The following SPATA6L variants were observed in gnomAD, a reference collection of about 807,000 sequenced individuals.
SPATA6L encodes spermatogenesis associated 6 like, also known as spermatogenesis associated 6-like protein.
A neutral mutation model predicts 49.2 loss-of-function variants in SPATA6L; 68 were observed. The observed-to-expected ratio is 1.38, with a 90% CI of 1.14 to 1.69. The LOEUF is 1.69. Ranked by LOEUF, SPATA6L falls within the 40% of genes most tolerant of loss-of-function variation. SPATA6L has a pLI of 0.00. For missense variants in SPATA6L, 668 were observed against 464.3 expected (o/e 1.44, Z -4.03); for synonymous variants, 198 against 165.7 (o/e 1.19, Z -1.50).
At chr9:4,609,522 T>C (rs1826142617) in intron 9 of SPATA6L, among the ~76,000 whole-genome samples, 1 of 151,990 alleles carries the variant, frequency 6.6e-6, no homozygotes, top group Non-Finnish European at 1.5e-5. Flanking sequence ...ATCCAGCATA[T>C]AAACAGAACC....
chr9:4,628,138 T>C, intron 5 of SPATA6L: 1 of 207,914 alleles, frequency 4.8e-6, no homozygotes, highest in Non-Finnish European at 9.7e-6. Flanking sequence ...GTGGGGATGG[T>C]TAAAGGGCAC....
chr9:4,666,300 G>C lies in SPATA6L; in HGVS notation c.-50C>G. The C allele has an allele frequency of 1.9e-6, 3 of 1,608,024 alleles. No individual in the cohort carries two copies. The highest frequency in any genetic ancestry group is 1.3e-5 in the African/African-American group (1 of 74,922). On this transcript the variant is annotated 5_prime_UTR_variant, in exon 1 of 12. Coordinates refer to ENST00000682582, the MANE Select transcript of SPATA6L (RefSeq NM_001353486.2). The stretch of plus-strand genomic sequence containing the variant: ...TGGAATGAGAAGATCCTTTTGTGCC[G>C]AGCCTTGGACCAATTTTTCTTAGTT...
intron 3 of SPATA6L, among the ~76,000 whole-genome samples, chr9:4,644,235 T>A: frequency 7.7e-6 from 1 of 130,048 alleles, no homozygotes; most frequent in African/African-American, 2.9e-5. Flanking sequence ...CTGGGCATGG[T>A]GCATGCCTGT....
chr9:4,606,373 A>T lies in SPATA6L; in HGVS notation c.996-933T>A, dbSNP rs545623055. On this transcript the variant is annotated intron_variant, in intron 9 of 11. Coordinates refer to ENST00000682582, the MANE Select transcript of SPATA6L (RefSeq NM_001353486.2). Reference sequence around the variant, plus strand: ...CACAGACAAACAAAAAGACAGCAGTAACCTCTGCAGACTTAAATGTCCCTG... The same window carrying T: ...CACAGACAAACAAAAAGACAGCAGTTACCTCTGCAGACTTAAATGTCCCTG... Among the ~76,000 whole-genome samples the T allele has an allele frequency of 9.2e-5, 12 of 130,476 alleles. 1 individual carries two copies. In the South Asian group the frequency reaches 2.8e-3, roughly 31 times the overall value. 85.6% of individuals were successfully genotyped at this position (130,476 alleles called of 152,430 possible).
chr9:4,595,000 T>G (rs914947789), downstream of SPATA6L, among the ~76,000 whole-genome samples: 24 of 152,134 alleles, frequency 1.6e-4, no homozygotes, highest in Non-Finnish European at 3.1e-4. Context: ...AAAAGAAAAG[T>G]CCCTAAAGGA....
At chr9:4,611,361 C>T (rs543211943) in intron 9 of SPATA6L, among the ~76,000 whole-genome samples, 38 of 148,762 alleles carry the variant, frequency 2.6e-4, no homozygotes, top group Admixed American at 1.3e-3. Context: ...ATGTTTATTG[C>T]GGCACTACTC....
At chr9:4,656,205 G>C in intron 2 of SPATA6L, 116 bp from the exon 3 acceptor site, 1 of 764,340 alleles carries the variant, frequency 1.3e-6, no homozygotes, top group South Asian at 1.6e-5. Context: ...TTGGGAGGCC[G>C]AGGTGGGTGT....
At chr9:4,630,899 A>C (rs548338309) in intron 4 of SPATA6L, among the ~76,000 whole-genome samples, 2 of 152,342 alleles carry the variant, frequency 1.3e-5, no homozygotes, top group East Asian at 3.9e-4. Flanking sequence ...GCACAAAGAG[A>C]TTAACCTAAC....
chr9:4,663,311 T>G, intron 1 of SPATA6L: 1 of 1,564,918 alleles, frequency 6.4e-7, no homozygotes, highest in Non-Finnish European at 8.7e-7. Context: ...GTTTCCACAT[T>G]CGATGATGTC....
At chr9:4,609,803 A>G (rs1021643758) in intron 9 of SPATA6L, among the ~76,000 whole-genome samples, 11 of 151,600 alleles carry the variant, frequency 7.3e-5, no homozygotes, top group African/African-American at 2.4e-4. Context: ...CAGGGCAATT[A>G]GGCAGGAGAA....
chr9:4,603,170 G>C (rs1823792271), intron 11 of SPATA6L, among the ~76,000 whole-genome samples: 1 of 152,138 alleles, frequency 6.6e-6, no homozygotes, highest in Non-Finnish European at 1.5e-5. Flanking sequence ...GGTGGCTCAC[G>C]CCTGTAATAC....
chr9:4,638,741 C>A (rs1833371766), intron 3 of SPATA6L, among the ~76,000 whole-genome samples: 1 of 152,092 alleles, frequency 6.6e-6, no homozygotes, highest in South Asian at 2.1e-4. Flanking sequence ...CAACTTTCTC[C>A]TGAAGCTTAT....
rs1267333044 is a variant in SPATA6L, at chr9:4,606,568, C to T, written c.996-1128G>A. Among the ~76,000 whole-genome samples the T allele has an allele frequency of 5.4e-5, 2 of 36,750 alleles. 1 individual carries two copies. The highest frequency in any genetic ancestry group is 9.6e-4 in the East Asian group (2 of 2,090). 24.1% of individuals were successfully genotyped at this position (36,750 alleles called of 152,430 possible). ...CACCTCACACGGCCGGGTACTCCAA[C>T]AGACCTGCAGCTGAGGGTCCTGTTA... On this transcript the variant is annotated intron_variant, in intron 9 of 11. Coordinates refer to ENST00000682582, the MANE Select transcript of SPATA6L (RefSeq NM_001353486.2).
chr9:4,631,645 T>A (rs552629312), intron 4 of SPATA6L, among the ~76,000 whole-genome samples: 1 of 152,296 alleles, frequency 6.6e-6, no homozygotes, highest in South Asian at 2.1e-4. Flanking sequence ...AGGAAATAAA[T>A]CTAATTATTA....
chr9:4,620,397 C>T (rs1587120519), intron 7 of SPATA6L, among the ~76,000 whole-genome samples: 1 of 152,226 alleles, frequency 6.6e-6, no homozygotes, highest in Non-Finnish European at 1.5e-5. Context: ...TCTCAAAGTG[C>T]AGTCCATAGA....
intron 9 of SPATA6L, among the ~76,000 whole-genome samples, chr9:4,606,697 A>C (rs111272582): frequency 7.5e-6 from 1 of 134,004 alleles, no homozygotes; most frequent in Non-Finnish European, 1.6e-5. Context: ...ATGGGGAAAA[A>C]ACAGAACAGA....
chr9:4,604,227 T>C lies in SPATA6L; in HGVS notation c.1132A>G (p.Ser378Gly). 6.2e-7 allele frequency: 1 copy of C among 1,612,512 alleles called. No individual in the cohort carries two copies. The highest frequency in any genetic ancestry group is 1.1e-5 in the South Asian group (1 of 90,770). The change falls in exon 11 of 12, where the codon AGC becomes GGC. Residue 378 changes from serine to glycine, a missense_variant. Physicochemically the swap from Ser to Gly is moderately conservative, Grantham distance 56. Transcript: ENST00000682582. Reference sequence around the variant, plus strand: ...AGTGAGTATTTCTTCAGAGGGTAGCTTGGTCTTTCAATGATATAATTTACT... The same window carrying C: ...AGTGAGTATTTCTTCAGAGGGTAGCCTGGTCTTTCAATGATATAATTTACT... ...SEVNYIIERP[S>G]YPLKKYSLHE...
In SPATA6L at chr9:4,598,558, A is replaced by T. The variant is rs922558396; in HGVS notation, c.*2253T>A. On this transcript the variant is annotated 3_prime_UTR_variant, in exon 12 of 12. Coordinates refer to ENST00000682582, the MANE Select transcript of SPATA6L (RefSeq NM_001353486.2). ...GGAAAAAAAGCGTAATTTAGTGTGA[A>T]AACCAAAAATGACTTTAAATAAGAA... 2.0e-5 allele frequency among the ~76,000 whole-genome samples: 3 copies of T among 152,244 alleles called. No individual in the cohort carries two copies. Among genetic ancestry groups the T allele is most frequent in the Admixed American group, 1.3e-4 (2 of 15,292 alleles).
intron 5 of SPATA6L, chr9:4,628,035 G>A (rs1830676167): frequency 2.9e-6 from 1 of 350,076 alleles, no homozygotes; most frequent in Admixed American, 4.0e-5. Context: ...ACTTATTTGT[G>A]GGAGCTAAAG....
Sources: gnomAD v4.1 joint callset for allele counts (sites outside exome capture counted in the v4.1 genomes callset) on GRCh38, gnomAD v4.1.1 for gene constraint, MANE v1.5 for transcripts, NCBI Gene and HGNC (gene_info 2026-07-23, HGNC 2026-07-21) for gene names.